Variants in PCDH10 observed in about 807,000 individuals in gnomAD.
PCDH10 encodes the protein protocadherin 10.
PCDH10 carries 15 observed loss-of-function variants against 74.4 expected under a neutral mutation model. The observed-to-expected ratio is 0.20, with a 90% CI of 0.13 to 0.31. The LOEUF (loss-of-function observed/expected upper bound fraction) is 0.31, where lower values mean the gene tolerates loss of function less well. PCDH10 is among the 10% of genes least tolerant of loss of function. The pLI is 1.00. For missense variants in PCDH10, 1,260 were observed against 1,390.2 expected (o/e 0.91, Z 1.49); for synonymous variants, 619 against 589.8 (o/e 1.05, Z -0.72).
chr4:133,162,908 T>C (rs1560707778), intron 3 of PCDH10, 69 bp from the exon 4 acceptor site: 3 of 1,350,476 alleles, frequency 2.2e-6, no homozygotes, highest in African/African-American at 1.5e-5. Flanking sequence ...CTACCTGTAA[T>C]CTTACACTGC....
Position 133,152,317 on chromosome 4 carries a change from CCTT to C in PCDH10, c.2179_2181del (p.Phe727del), listed in dbSNP as rs1257679722. ...CTCATCATCGCGTTGGGCTCGGTGT[CCTT>C]CATCTTCCTGCTGGCCATGATCGTG... On this transcript the variant is annotated inframe_deletion, in exon 1 of 5. Coordinates refer to ENST00000264360, the MANE Select transcript of PCDH10 (RefSeq NM_032961.3). 2.5e-6 allele frequency: 4 copies of C among 1,614,184 alleles called. No homozygotes were observed. The highest frequency in any genetic ancestry group is 3.4e-6 in the Non-Finnish European group (4 of 1,180,038).
chr4:133,154,487 A>G (rs934219855), intron 2 of PCDH10, 122 bp downstream of exon 2: 2 of 597,474 alleles, frequency 3.3e-6, no homozygotes, highest in Admixed American at 7.0e-5. Flanking sequence ...AAGGCAGGAC[A>G]TAAATATGAA....
At chr4:133,206,135 G>C (rs772040588) in intron 2 of PCDH10, among the ~76,000 whole-genome samples, 19 of 152,110 alleles carry the variant, frequency 1.2e-4, no homozygotes, top group Non-Finnish European at 1.9e-4. Flanking sequence ...TTTTCTTCCT[G>C]GTCTTGTTAG....
intron 4 of PCDH10, among the ~76,000 whole-genome samples, chr4:133,167,591 A>G (rs1727112545): frequency 6.6e-6 from 1 of 151,212 alleles, no homozygotes; most frequent in Admixed American, 6.6e-5. Context: ...AAATGAATGG[A>G]CCTCTCTTGT....
chr4:133,152,700 G>A lies in PCDH10; in HGVS notation c.2560G>A (p.Gly854Arg), dbSNP rs779122845. ...TACGGACACTGAGCACAACCCCTGC[G>A]GGGCCATCGTCACCGGTTACACCGA... Reference protein sequence around the residue: ...RSTDTEHNPCGAIVTGYTDQQ... With the variant: ...RSTDTEHNPCRAIVTGYTDQQ... The change falls in exon 1 of 5, where the codon GGG becomes AGG. Residue 854 changes from glycine to arginine, a missense_variant. By Grantham distance (125) the Gly-to-Arg change is moderately radical (BLOSUM62 -2). This residue lies in a region of PCDH10 where 587 missense variants were observed against 616.9 expected (regional missense o/e 0.95). Coordinates refer to ENST00000264360, the MANE Select transcript of PCDH10 (RefSeq NM_032961.3). 14 of 1,614,068 alleles carry A rather than the reference G, an allele frequency of 8.7e-6. No homozygotes were observed. In the South Asian group the frequency reaches 1.5e-4, roughly 18 times the overall value.
rs199927426 is a variant in PCDH10, at chr4:133,150,879, G to A, written c.739G>A (p.Val247Met). 3.7e-6 allele frequency: 6 copies of A among 1,610,874 alleles called. No homozygotes were observed. Among genetic ancestry groups the A allele is most frequent in the Middle Eastern group, 3.3e-4 (2 of 6,054 alleles). The change falls in exon 1 of 5, where the codon GTG becomes ATG. Residue 247 changes from valine (V) to methionine (M), a missense_variant. This residue lies in a region of PCDH10 where 192 missense variants were observed against 161.2 expected (regional missense o/e 1.19). Coordinates refer to ENST00000264360, the MANE Select transcript of PCDH10 (RefSeq NM_032961.3). ...TIRVLDSNDN[V>M]PAFDQPVYTV... ...CCGAGTGCTGGACTCCAATGACAAT[G>A]TGCCCGCTTTCGACCAACCCGTCTA...
intron 2 of PCDH10, among the ~76,000 whole-genome samples, chr4:133,202,904 C>T: frequency 6.6e-6 from 1 of 152,152 alleles, no homozygotes; most frequent in East Asian, 1.9e-4. Context: ...TCTTCTAGCA[C>T]TGAGGCATCA....
chr4:133,160,505 C>T (rs1284079751), intron 3 of PCDH10, among the ~76,000 whole-genome samples: 1 of 150,246 alleles, frequency 6.7e-6, no homozygotes, highest in African/African-American at 2.4e-5. Context: ...TTTAACCAAA[C>T]TCAAATAATC....
intron 2 of PCDH10, among the ~76,000 whole-genome samples, chr4:133,206,546 C>T (rs1728007227): frequency 6.6e-6 from 1 of 152,214 alleles, no homozygotes; most frequent in African/African-American, 2.4e-5. Flanking sequence ...TTCTTCTTTA[C>T]ACTCTTAGCT....
chr4:133,167,042 TA>T (rs1196178928), intron 4 of PCDH10, among the ~76,000 whole-genome samples: 2 of 151,488 alleles, frequency 1.3e-5, no homozygotes, highest in Non-Finnish European at 3.0e-5. Flanking sequence ...CCAAGTATAC[TA>T]AAAATCATTC....
At chr4:133,202,184 G>T (rs1560719658) in intron 2 of PCDH10, among the ~76,000 whole-genome samples, 1 of 152,278 alleles carries the variant, frequency 6.6e-6, no homozygotes. Flanking sequence ...ATAAACTTTA[G>T]TGGTATCCTT....
intron 4 of PCDH10, among the ~76,000 whole-genome samples, chr4:133,187,477 T>G (rs1044611324): frequency 1.3e-5 from 2 of 151,958 alleles, no homozygotes; most frequent in African/African-American, 2.4e-5. Context: ...AAGATTAGCT[T>G]CTTCTAACAT....
chr4:133,187,105 A>C (rs2125872626), intron 4 of PCDH10, among the ~76,000 whole-genome samples: 1 of 152,246 alleles, frequency 6.6e-6, no homozygotes, highest in African/African-American at 2.4e-5. Flanking sequence ...AATAGTATAA[A>C]CTATTTCTAG....
intron 4 of PCDH10, among the ~76,000 whole-genome samples, chr4:133,177,976 A>G (rs1018345574): frequency 1.3e-5 from 2 of 152,186 alleles, no homozygotes; most frequent in Non-Finnish European, 2.9e-5. Context: ...TTTAATGGAT[A>G]GAGACCAAGG....
Position 133,205,918 on chromosome 4 carries a change from C to T in PCDH10, n.438-2158C>T, listed in dbSNP as rs576056968. On this transcript the variant is annotated intron_variant and non_coding_transcript_variant, in intron 2 of 2. Transcript: ENST00000511112. ...AGTTTATTTTTCATTTTATTTTTTC[C>T]GAATAGTGTCTCCTAGAATTATGTT... 7.9e-5 allele frequency among the ~76,000 whole-genome samples: 12 copies of T among 151,622 alleles called. No homozygotes were observed. The East Asian group carries it at 1.4e-3, about 17-fold the overall frequency.
At position 133,151,386 on chromosome 4, in the gene PCDH10, G is replaced by C; in HGVS notation, c.1246G>C (p.Val416Leu). 1 of 1,614,136 alleles carries C rather than the reference G, an allele frequency of 6.2e-7. No homozygotes were observed. Among genetic ancestry groups the C allele is most frequent in the Non-Finnish European group, 8.5e-7 (1 of 1,180,034 alleles). Residue 416 changes from valine (V) to leucine (L), a missense_variant, in exon 1 of 5, where the codon GTT (valine) becomes CTT (leucine). Coordinates refer to ENST00000264360, the MANE Select transcript of PCDH10 (RefSeq NM_032961.3). ...KSSFKNYYTI[V>L]TEAPLDREAG... ...TTCCTTTAAGAATTACTACACCATC[G>C]TTACCGAAGCCCCCCTGGACCGAGA... is the stretch of plus-strand genomic sequence containing the variant.
At chr4:133,169,544 C>G (rs1425517189) in intron 4 of PCDH10, among the ~76,000 whole-genome samples, 1 of 151,708 alleles carries the variant, frequency 6.6e-6, no homozygotes, top group Non-Finnish European at 1.5e-5. Flanking sequence ...CGTTTTCATC[C>G]TCTTTCTTAT....
chr4:133,196,050 G>T (rs536318245), downstream of PCDH10, among the ~76,000 whole-genome samples: 78 of 152,198 alleles, frequency 5.1e-4, no homozygotes, highest in African/African-American at 1.5e-3. Context: ...TTGTAGAATT[G>T]CTGTGAGGAT....
rs904040572 is a variant in PCDH10, at chr4:133,150,234, A to C, written c.94A>C (p.Thr32Pro). ...GGTACAGGAGGAGCAGGAACATGGC[A>C]CTTTCGTGGGGAATATCGCTGAAGA... ...YTVQEEQEHG[T>P]FVGNIAEDLG... The change falls in exon 1 of 5, where the codon ACT becomes CCT. Residue 32 changes from threonine (T) to proline (P), a missense_variant. Thr to Pro is a conservative substitution (Grantham distance 38, BLOSUM62 -1). This residue lies in a region of PCDH10 where 103 missense variants were observed against 91.5 expected (regional missense o/e 1.13). Coordinates refer to ENST00000264360, the MANE Select transcript of PCDH10 (RefSeq NM_032961.3). 2 of 1,613,810 alleles carry C rather than the reference A, an allele frequency of 1.2e-6. No homozygotes were observed. The highest frequency in any genetic ancestry group is 1.7e-6 in the Non-Finnish European group (2 of 1,179,948).
Sources: allele counts gnomAD v4.1 joint callset (sites outside exome capture counted in the v4.1 genomes callset), GRCh38; gene constraint gnomAD v4.1.1; regional missense constraint gnomAD v4.1.1; transcripts MANE v1.5; gene names NCBI Gene and HGNC (gene_info 2026-07-23, HGNC 2026-07-21).